Variants in LGR5 observed in about 807,000 individuals in gnomAD.
LGR5 encodes leucine-rich repeat-containing G protein-coupled receptor 5.
LGR5 carries 54 observed loss-of-function variants against 76.7 expected under a neutral mutation model. The observed-to-expected ratio is 0.70, with a 90% CI of 0.57 to 0.88. The LOEUF is 0.88. Among genes scored for constraint, LGR5 ranks in the 40% least tolerant of loss-of-function variants. The probability of loss-of-function intolerance (pLI) is 0.00; values close to 1 mark genes in which losing one functional copy is unlikely to be tolerated. For missense variants in LGR5, 1,078 were observed against 1,073.3 expected (o/e 1.00, Z -0.06); for synonymous variants, 406 against 421.9 (o/e 0.96, Z 0.46).
At chr12:71,470,500 A>G (rs1379632540) in intron 1 of LGR5, among the ~76,000 whole-genome samples, 1 of 152,192 alleles carries the variant, frequency 6.6e-6, no homozygotes, top group Non-Finnish European at 1.5e-5. Context: ...GTCCAATAAT[A>G]TATATCCATA....
intron 16 of LGR5, among the ~76,000 whole-genome samples, chr12:71,580,660 TG>T (rs2137477435): frequency 6.6e-6 from 1 of 152,156 alleles, no homozygotes; most frequent in Admixed American, 6.5e-5. Flanking sequence ...TAGCCAGGCA[TG>T]GTGGCACATG....
intron 1 of LGR5, among the ~76,000 whole-genome samples, chr12:71,487,561 C>A (rs2137272520): frequency 6.6e-6 from 1 of 152,190 alleles, no homozygotes; most frequent in South Asian, 2.1e-4. Flanking sequence ...GCTATAGGCC[C>A]ATGCCACCAC....
intron 1 of LGR5, among the ~76,000 whole-genome samples, chr12:71,500,564 A>G (rs1431554064): frequency 6.6e-6 from 1 of 152,118 alleles, no homozygotes; most frequent in Non-Finnish European, 1.5e-5. Context: ...CAGCCTCCTA[A>G]GTAGCTGGGA....
intron 2 of LGR5, among the ~76,000 whole-genome samples, chr12:71,518,323 T>G (rs930567530): frequency 6.6e-6 from 1 of 152,158 alleles, no homozygotes; most frequent in African/African-American, 2.4e-5. Flanking sequence ...CCAGTCAGAA[T>G]GCCTGTAATT....
chr12:71,531,736 C>T (rs1428158215), intron 3 of LGR5, among the ~76,000 whole-genome samples: 2 of 152,052 alleles, frequency 1.3e-5, no homozygotes, highest in Non-Finnish European at 2.9e-5. Context: ...GCGGTAGTGG[C>T]GCACGCCTCT....
chr12:71,473,477 T>TA (rs1873187815), intron 1 of LGR5, among the ~76,000 whole-genome samples: 2 of 151,984 alleles, frequency 1.3e-5, no homozygotes, highest in Non-Finnish European at 2.9e-5. Flanking sequence ...TTTATTCATT[T>TA]AAAAAAAATT....
rs777390531 is a variant in LGR5, at chr12:71,584,373, C to T, written c.2363C>T (p.Ser788Phe). The T allele has an allele frequency of 2.5e-6, 4 of 1,614,190 alleles. No individual in the cohort carries two copies. Among genetic ancestry groups the T allele is most frequent in the African/African-American group, 2.7e-5 (2 of 75,038 alleles). The stretch of plus-strand genomic sequence containing the variant: ...TGCCCTGTGGCTTTCTTGTCCTTCT[C>T]CTCTTTAATAAACCTTACATTTATC... The part of the protein sequence containing the change: ...LNCPVAFLSF[S>F]SLINLTFISP... The change falls in exon 18 of 18, where the codon TCC becomes TTC. Residue 788 changes from serine (S) to phenylalanine (F), a missense_variant. By Grantham distance (155) the Ser-to-Phe change is radical (BLOSUM62 -2). Transcript: ENST00000266674.
chr12:71,560,899 C>A (rs1293722490), intron 7 of LGR5, among the ~76,000 whole-genome samples: 2 of 152,096 alleles, frequency 1.3e-5, no homozygotes, highest in East Asian at 3.8e-4. Context: ...ATTCTAAAAC[C>A]CCACAATTTT....
chr12:71,439,985 G>A lies in LGR5; in HGVS notation c.-96G>A. On this transcript the variant is annotated 5_prime_UTR_variant, in exon 1 of 18. Coordinates refer to ENST00000266674, the MANE Select transcript of LGR5 (RefSeq NM_003667.4). ...CGCTGCAGACGCCCGCTGAGTTGCA[G>A]AAGCCCACGGAGCGGCGCCCGGCGC... 8.5e-7 allele frequency: 1 copy of A among 1,176,634 alleles called. No homozygotes were observed. The allele number at this position is 1,176,634 out of a possible 1,614,324, so 72.9% of individuals were successfully genotyped here.
intron 2 of LGR5, among the ~76,000 whole-genome samples, chr12:71,505,904 T>C (rs569382708): frequency 2.7e-4 from 41 of 152,280 alleles, no homozygotes; most frequent in African/African-American, 7.9e-4. Context: ...TTCCATCTTC[T>C]CTTTTGTCTC....
chr12:71,457,932 T>A (rs1872550307), intron 1 of LGR5, among the ~76,000 whole-genome samples: 1 of 152,120 alleles, frequency 6.6e-6, no homozygotes, highest in Admixed American at 6.6e-5. Flanking sequence ...AAAAAGTTAG[T>A]CAGGAACCTG....
intron 1 of LGR5, among the ~76,000 whole-genome samples, chr12:71,504,049 A>G (rs1396813119): frequency 6.6e-6 from 1 of 152,182 alleles, no homozygotes; most frequent in East Asian, 1.9e-4. Context: ...CCCTCGTTTT[A>G]TGGTTCATTT....
intron 2 of LGR5, among the ~76,000 whole-genome samples, chr12:71,506,167 C>A (rs1043805813): frequency 1.3e-5 from 2 of 152,030 alleles, no homozygotes; most frequent in African/African-American, 4.8e-5. Flanking sequence ...AAAATTACAT[C>A]CATCTTGTTC....
intron 1 of LGR5, among the ~76,000 whole-genome samples, chr12:71,452,818 TA>T (rs1362294793): frequency 6.6e-6 from 1 of 152,210 alleles, no homozygotes; most frequent in Non-Finnish European, 1.5e-5. Context: ...ATGGCAATAA[TA>T]ATGACATCTA....
At chr12:71,547,138 T>C (rs768890936) in intron 4 of LGR5, among the ~76,000 whole-genome samples, 6 of 152,208 alleles carry the variant, frequency 3.9e-5, no homozygotes, top group Non-Finnish European at 5.9e-5. Context: ...CTAAGTAACA[T>C]TGCAAAGACT....
intron 15 of LGR5, 48 bp from the exon 16 acceptor site, chr12:71,580,230 T>A (rs752989822): frequency 1.3e-6 from 2 of 1,527,606 alleles, no homozygotes; most frequent in Non-Finnish European, 1.8e-6. Context: ...CTATATTTAA[T>A]TATCCGTTTC....
intron 7 of LGR5, among the ~76,000 whole-genome samples, chr12:71,560,813 G>A (rs1878020754): frequency 1.3e-5 from 2 of 152,088 alleles, no homozygotes; most frequent in African/African-American, 4.8e-5. Context: ...AAGAAAAGTG[G>A]ATCCAGGCAG....
At chr12:71,559,835 T>C (rs1877966731) in intron 7 of LGR5, among the ~76,000 whole-genome samples, 181 bp downstream of exon 7, 1 of 152,182 alleles carries the variant, frequency 6.6e-6, no homozygotes. Context: ...CCAGATAATA[T>C]TTTTTATTTA....
At chr12:71,482,343 AAGGTGTTGGC>A (rs1391726136) in intron 1 of LGR5, among the ~76,000 whole-genome samples, 2 of 152,112 alleles carry the variant, frequency 1.3e-5, no homozygotes, top group Non-Finnish European at 2.9e-5. Flanking sequence ...TTCCAAGATT[AAGGTGTTGGC>A]AGGGTTAGTT....
Sources: gnomAD v4.1 joint callset for allele counts (sites outside exome capture counted in the v4.1 genomes callset) on GRCh38, gnomAD v4.1.1 for gene constraint, MANE v1.5 for transcripts, NCBI Gene and HGNC (gene_info 2026-07-23, HGNC 2026-07-21) for gene names.